EPHA6: variants seen among roughly 807,000 people sequenced by gnomAD.
EPHA6 encodes the protein EPH receptor A6, also known as ephrin type-A receptor 6.
EPHA6 carries 50 observed loss-of-function variants against 112.0 expected under a neutral mutation model. That is an observed-to-expected ratio of 0.45 (90% CI 0.36 to 0.56). The LOEUF is 0.56. Ranked by LOEUF, EPHA6 falls within the 20% of genes least tolerant of loss-of-function variation. The probability of loss-of-function intolerance (pLI) is 0.00; values close to 1 mark genes in which losing one functional copy is unlikely to be tolerated. For missense variants in EPHA6, 1,280 were observed against 1,417.4 expected, an observed-to-expected ratio of 0.90 and a Z score of 1.56; for synonymous variants, 529 against 490.7, an observed-to-expected ratio of 1.08 and a Z score of -1.03.
intron 1 of EPHA6, among the ~76,000 whole-genome samples, chr3:96,831,946 T>C (rs16836164): frequency 0.01 from 1,579 of 152,180 alleles, 26 homozygotes; most frequent in African/African-American, 0.036. Flanking sequence ...TTCTTCTCCT[T>C]GTATAACTCA....
intron 7 of EPHA6, among the ~76,000 whole-genome samples, chr3:97,472,845 T>C (rs918085933): frequency 1.3e-5 from 2 of 151,810 alleles, no homozygotes; most frequent in Non-Finnish European, 1.5e-5. Context: ...TTAGTTCTTC[T>C]GTTAGGAAAA....
intron 14 of EPHA6, among the ~76,000 whole-genome samples, chr3:97,695,918 G>T (rs968345840): frequency 6.6e-6 from 1 of 152,138 alleles, no homozygotes. Context: ...CTTTGTTGTT[G>T]AGTGACAGCT....
At chr3:97,447,679 T>C (rs767251663) in intron 6 of EPHA6, 30 of 702,282 alleles carry the variant, frequency 4.3e-5, no homozygotes, top group South Asian at 6.5e-5. Context: ...TCTGAGATAG[T>C]GGGCAAGAGA....
At chr3:97,541,628 C>A (rs143820535) in intron 11 of EPHA6, among the ~76,000 whole-genome samples, 1 of 151,728 alleles carries the variant, frequency 6.6e-6, no homozygotes, top group African/African-American at 2.4e-5. Flanking sequence ...ATTCTTCAAC[C>A]TTTCCTTGTC....
At chr3:97,692,649 T>A (rs537145277) in intron 14 of EPHA6, among the ~76,000 whole-genome samples, 1 of 152,342 alleles carries the variant, frequency 6.6e-6, no homozygotes, top group Non-Finnish European at 1.5e-5. Flanking sequence ...TCTGTGTGAC[T>A]CGTTTGCTTT....
At chr3:97,068,256 G>T (rs1461289464) in intron 3 of EPHA6, among the ~76,000 whole-genome samples, 1 of 151,386 alleles carries the variant, frequency 6.6e-6, no homozygotes, top group Non-Finnish European at 1.5e-5. Context: ...ATTTTTATAT[G>T]AGCTGATAGG....
intron 5 of EPHA6, among the ~76,000 whole-genome samples, chr3:97,318,640 G>A (rs1029780849): frequency 3.3e-5 from 5 of 151,928 alleles, no homozygotes; most frequent in Admixed American, 1.3e-4. Flanking sequence ...AAGGAATGAT[G>A]TGCACAGCAG....
intron 5 of EPHA6, among the ~76,000 whole-genome samples, chr3:97,275,143 CTGTG>C (rs2080027575): frequency 6.6e-6 from 1 of 152,116 alleles, no homozygotes; most frequent in Non-Finnish European, 1.5e-5. Context: ...GTCCCGGCTC[CTGTG>C]TAAGAATTCT....
At chr3:97,647,782 T>C (rs911076058) in intron 14 of EPHA6, among the ~76,000 whole-genome samples, 2 of 152,156 alleles carry the variant, frequency 1.3e-5, no homozygotes, top group Non-Finnish European at 2.9e-5. Flanking sequence ...ACAACTGTTT[T>C]ATAACCAGTT....
intron 10 of EPHA6, among the ~76,000 whole-genome samples, chr3:97,530,685 G>T (rs1376282133): frequency 6.6e-6 from 1 of 151,712 alleles, no homozygotes; most frequent in African/African-American, 2.4e-5. Context: ...TGAATTTTCA[G>T]TGTTTTTTGT....
chr3:97,061,552 T>C (rs991771269), intron 3 of EPHA6, among the ~76,000 whole-genome samples: 11 of 152,168 alleles, frequency 7.2e-5, no homozygotes, highest in Non-Finnish European at 4.4e-5. Context: ...CAATGTTTGG[T>C]TTAAAATGTA....
chr3:97,304,229 C>G (rs940396235), intron 5 of EPHA6, among the ~76,000 whole-genome samples: 1 of 151,832 alleles, frequency 6.6e-6, no homozygotes, highest in Non-Finnish European at 1.5e-5. Flanking sequence ...TTTGAATACC[C>G]TTTATCTCTT....
intron 14 of EPHA6, among the ~76,000 whole-genome samples, chr3:97,650,162 T>C (rs891342284): frequency 6.6e-6 from 1 of 152,054 alleles, no homozygotes; most frequent in Non-Finnish European, 1.5e-5. Context: ...ATGTGCTAAA[T>C]GCATGGTAAA....
chr3:97,716,601 A>AAAAAC (rs2034248516), intron 14 of EPHA6, among the ~76,000 whole-genome samples: 1 of 150,934 alleles, frequency 6.6e-6, no homozygotes, highest in African/African-American at 2.5e-5. Context: ...AAAAAAAAGA[A>AAAAAC]AAGACCCAGG....
chr3:97,435,970 G>A lies in EPHA6; in HGVS notation c.1732-12598G>A, dbSNP rs574755913. Among the ~76,000 whole-genome samples, 13 of 152,276 alleles carry A rather than the reference G, an allele frequency of 8.5e-5. No individual in the cohort carries two copies. The East Asian group carries it at 1.9e-3, about 23-fold the overall frequency. On this transcript the variant is annotated intron_variant, in intron 6 of 17. Coordinates refer to ENST00000389672, the MANE Select transcript of EPHA6 (RefSeq NM_001080448.3). Reference sequence around the variant, plus strand: ...AGAACTACAAAAACCTTTTGTGTGCGAAGGTGTGTACTTCAGGAAGCTGTC... The same window carrying A: ...AGAACTACAAAAACCTTTTGTGTGCAAAGGTGTGTACTTCAGGAAGCTGTC...
intron 11 of EPHA6, among the ~76,000 whole-genome samples, chr3:97,552,026 G>T (rs2093035624): frequency 6.6e-6 from 1 of 152,058 alleles, no homozygotes; most frequent in South Asian, 2.1e-4. Context: ...GCTAAATAAA[G>T]TTGCTAAAAC....
intron 14 of EPHA6, among the ~76,000 whole-genome samples, chr3:97,704,719 A>T (rs767402000): frequency 3.2e-4 from 49 of 152,090 alleles, no homozygotes; most frequent in Non-Finnish European, 5.9e-4. Flanking sequence ...AAATTTTTTT[A>T]TTATGTTCCT....
intron 2 of EPHA6, among the ~76,000 whole-genome samples, chr3:96,953,464 T>C (rs2041633059): frequency 6.6e-6 from 1 of 152,152 alleles, no homozygotes; most frequent in Non-Finnish European, 1.5e-5. Flanking sequence ...AGCACAAAAA[T>C]ACTCCAATAA....
In EPHA6 at chr3:97,719,460, T is replaced by C. The variant is rs182253597; in HGVS notation, c.2785-801T>C. Among the ~76,000 whole-genome samples, 677 of 152,288 alleles carry C rather than the reference T, an allele frequency of 4.4e-3. 27 individuals are homozygous for C. Among genetic ancestry groups the C allele is most frequent in the Admixed American group, 0.04 (612 of 15,286 alleles). ...TTTGGAGCTGCAGGGATTTTAAAAT[T>C]GTAAATCAAATGGATGAATTGTTTT... is the stretch of plus-strand genomic sequence containing the variant. On this transcript the variant is annotated intron_variant, in intron 14 of 17. Transcript: ENST00000389672.
Sources: gnomAD v4.1 joint callset for allele counts (sites outside exome capture counted in the v4.1 genomes callset) on GRCh38, gnomAD v4.1.1 for gene constraint, MANE v1.5 for transcripts, NCBI Gene and HGNC (gene_info 2026-07-23, HGNC 2026-07-21) for gene names.